Variants in PLEKHM1 observed in about 807,000 individuals in gnomAD.
PLEKHM1 encodes pleckstrin homology domain-containing family M member 1.
PLEKHM1 carries 28 observed loss-of-function variants against 94.3 expected under a neutral mutation model. That is an observed-to-expected ratio of 0.30 (90% CI 0.22 to 0.41). The LOEUF is 0.41. PLEKHM1 is among the 10% of genes least tolerant of loss of function. The pLI is 1.00. For synonymous variants in PLEKHM1, 424 were observed against 581.2 expected (o/e 0.73, Z 3.89); for missense variants, 907 against 1,358.6 (o/e 0.67, Z 5.22).
chr17:45,484,499 C>T lies in PLEKHM1; in HGVS notation c.-41-1974G>A, dbSNP rs141459468. On this transcript the variant is annotated intron_variant, in intron 1 of 11. Transcript: ENST00000430334. ...CAGGAAAATCTTTTAATCCACCTTA[C>T]CCTGTCCCCACCAATGTATACCTTA... is the stretch of plus-strand genomic sequence containing the variant. Among the ~76,000 whole-genome samples the T allele has an allele frequency of 2.2e-3, 338 of 152,330 alleles. 2 individuals are homozygous for T. Among genetic ancestry groups the T allele is most frequent in the African/African-American group, 7.9e-3 (329 of 41,574 alleles).
In PLEKHM1 at chr17:45,468,595, T is replaced by G. The variant is rs749129424; in HGVS notation, c.924-2A>C. 1.4e-5 allele frequency: 22 copies of G among 1,614,150 alleles called. No individual in the cohort carries two copies. The highest frequency in any genetic ancestry group is 1.9e-5 in the Non-Finnish European group (22 of 1,180,000). ...GCTTTGCTGAATTCCAACAATACCC[T>G]AGAAGTTTTAAACAAAGAAACCTGT... On this transcript the variant is annotated splice_acceptor_variant, in intron 4 of 11. Transcript: ENST00000430334. LOFTEE classifies it high-confidence loss of function.
intron 4 of PLEKHM1, among the ~76,000 whole-genome samples, chr17:45,474,178 G>C (rs906338594): frequency 6.6e-5 from 10 of 150,896 alleles, no homozygotes; most frequent in African/African-American, 2.4e-4. Context: ...TGCCTCAGCC[G>C]CCCATGTAGC....
At chr17:45,442,026 GCTC>G (rs1332746468) in intron 9 of PLEKHM1, among the ~76,000 whole-genome samples, 10 of 152,262 alleles carry the variant, frequency 6.6e-5, no homozygotes, top group Admixed American at 1.3e-4. Context: ...CTGAGCCCTG[GCTC>G]CTCCTCTGCC....
intron 8 of PLEKHM1, chr17:45,448,012 G>A (rs932310116): frequency 6.6e-6 from 1 of 152,056 alleles, no homozygotes; most frequent in African/African-American, 2.4e-5. Context: ...TGGTCAGGCT[G>A]GTCTCAACTC....
At chr17:45,471,467 A>G (rs2051507822) in intron 4 of PLEKHM1, among the ~76,000 whole-genome samples, 1 of 151,520 alleles carries the variant, frequency 6.6e-6, no homozygotes, top group Admixed American at 6.6e-5. Flanking sequence ...GAGAATTAAA[A>G]ACATGTCTAC....
rs375411710 is a variant in PLEKHM1, at chr17:45,454,033, C to T, written c.1819G>A (p.Ala607Thr). ...TCCTCAGCTTCGTCCTGGGAGGAGG[C>T]GCGCAGGGCCAGCTTCTTGCCAGAG... ...VFSGKKLALR[A>T]SSQDEAEDWL... The change falls in exon 7 of 12, where the codon GCC becomes ACC. Residue 607 changes from alanine to threonine, a missense_variant. Ala to Thr is a moderately conservative substitution (Grantham distance 58). Transcript: ENST00000430334. 3.0e-5 allele frequency: 49 copies of T among 1,614,128 alleles called. No individual in the cohort carries two copies. Among genetic ancestry groups the T allele is most frequent in the Admixed American group, 1.3e-4 (8 of 60,034 alleles).
At chr17:45,446,027 C>G (rs1461590427) in intron 8 of PLEKHM1, 4 of 382,840 alleles carry the variant, frequency 1.0e-5, no homozygotes, top group Non-Finnish European at 2.0e-5. Flanking sequence ...TTTCCCCCCA[C>G]TGAAGGAAAC....
chr17:45,440,245 C>G lies in PLEKHM1; in HGVS notation c.2838-19G>C, dbSNP rs368597494. On this transcript the variant is annotated intron_variant, in intron 9 of 11. Coordinates refer to ENST00000430334, the MANE Select transcript of PLEKHM1 (RefSeq NM_014798.3). The stretch of plus-strand genomic sequence containing the variant: ...GTTGAGCCTTCAAACAAAACACAAG[C>G]GATTCTTTAGAAAGGTTTCCAGAAC... The G allele has an allele frequency of 2.9e-5, 47 of 1,612,732 alleles. No individual in the cohort carries two copies. In the African/African-American group the frequency reaches 5.9e-4, roughly 20 times the overall value.
chr17:45,477,837 A>C (rs1367737815), intron 3 of PLEKHM1, 63 bp downstream of exon 3: 1 of 1,598,134 alleles, frequency 6.3e-7, no homozygotes, highest in Non-Finnish European at 8.5e-7. Context: ...TGGGGAGGAA[A>C]AGCCAAGTGT....
chr17:45,451,734 G>A (rs1408967843), intron 7 of PLEKHM1, among the ~76,000 whole-genome samples: 7 of 152,068 alleles, frequency 4.6e-5, no homozygotes, highest in East Asian at 1.9e-4. Context: ...CAAACTCCCC[G>A]GTGGCACAGT....
At chr17:45,485,975 G>C (rs1220086264) in intron 1 of PLEKHM1, among the ~76,000 whole-genome samples, 1 of 151,578 alleles carries the variant, frequency 6.6e-6, no homozygotes, top group Non-Finnish European at 1.5e-5. Flanking sequence ...CCAGCACTTT[G>C]GGAGGCCGAG....
rs763425159 is a variant in PLEKHM1 at position 45,475,160 on chromosome 17, A to T, written c.863T>A (p.Met288Lys). The T allele has an allele frequency of 1.2e-6, 2 of 1,613,984 alleles. No homozygotes were observed. Among genetic ancestry groups the T allele is most frequent in the Non-Finnish European group, 1.7e-6 (2 of 1,179,860 alleles). The change falls in exon 4 of 12, where the codon ATG becomes AAG. Residue 288 changes from methionine (M) to lysine (K), a missense_variant. Met to Lys is a moderately conservative substitution (Grantham distance 95). This residue lies in a region of PLEKHM1 where 477 missense variants were observed against 601.5 expected (regional missense o/e 0.79). Transcript: ENST00000430334. ...SKSPDHCEEP[M>K]SCDSDLGTAN... ...TGTGCCCAGGTCTGAGTCACAGGAC[A>T]TGGGCTCCTCGCAATGGTCTGGACT...
intron 10 of PLEKHM1, chr17:45,439,962 T>C: frequency 1.6e-6 from 1 of 643,880 alleles, no homozygotes; most frequent in South Asian, 1.8e-5. Context: ...GGAGTGCTTG[T>C]TTATTCCAGG....
chr17:45,481,773 A>G (rs909472837), intron 2 of PLEKHM1, among the ~76,000 whole-genome samples: 4 of 151,848 alleles, frequency 2.6e-5, no homozygotes, highest in African/African-American at 9.7e-5. Flanking sequence ...CACGTCTCTG[A>G]GAGCTACAGT....
At chr17:45,439,407 G>T in intron 11 of PLEKHM1, 70 bp downstream of exon 11, 1 of 1,552,048 alleles carries the variant, frequency 6.4e-7, no homozygotes, top group South Asian at 1.1e-5. Context: ...GCTGCCCTGC[G>T]TGCTTGGGCC....
chr17:45,489,789 T>C (rs1226641770), intron 1 of PLEKHM1, among the ~76,000 whole-genome samples: 1 of 152,124 alleles, frequency 6.6e-6, no homozygotes, highest in Non-Finnish European at 1.5e-5. Flanking sequence ...CTGCACTAAG[T>C]TCTCAGGTTG....
intron 2 of PLEKHM1, among the ~76,000 whole-genome samples, chr17:45,480,830 A>G (rs2051929848): frequency 6.6e-6 from 1 of 152,182 alleles, no homozygotes; most frequent in Non-Finnish European, 1.5e-5. Context: ...CAGTTAATAG[A>G]CATTTGGGTT....
chr17:45,475,427 C>T lies in PLEKHM1; in HGVS notation c.596G>A (p.Cys199Tyr), dbSNP rs778066098. The T allele has an allele frequency of 1.9e-6, 3 of 1,610,590 alleles. No homozygotes were observed. Among genetic ancestry groups the T allele is most frequent in the Middle Eastern group, 1.7e-4 (1 of 6,030 alleles). The stretch of plus-strand genomic sequence containing the variant: ...GAGAGGGTCCAGCTCAGAAAGCGGG[C>T]AAAGCCCAGACAGGGCCAATGGGGT... ...TLTPLALSGL[C>Y]PLSELDPLST... The change falls in exon 4 of 12, where the codon TGC (cysteine) becomes TAC (tyrosine). Residue 199 changes from cysteine (C) to tyrosine (Y), a missense_variant. Physicochemically the swap from Cys to Tyr is radical, Grantham distance 194 (BLOSUM62 -2). Coordinates refer to ENST00000430334, the MANE Select transcript of PLEKHM1 (RefSeq NM_014798.3).
intron 4 of PLEKHM1, among the ~76,000 whole-genome samples, chr17:45,474,663 T>C (rs1169524485): frequency 1.3e-5 from 2 of 152,222 alleles, no homozygotes; most frequent in East Asian, 3.8e-4. Flanking sequence ...TGTTTTTTTG[T>C]TGTTATTGTT....
Sources: allele counts gnomAD v4.1 joint callset (sites outside exome capture counted in the v4.1 genomes callset), GRCh38; gene constraint gnomAD v4.1.1; regional missense constraint gnomAD v4.1.1; transcripts MANE v1.5; gene names NCBI Gene and HGNC (gene_info 2026-07-23, HGNC 2026-07-21).